The following ASH1L variants were observed in gnomAD, a reference collection of about 807,000 sequenced individuals.
ASH1L encodes the protein ASH1 like histone lysine methyltransferase.
Under a neutral mutation model 269.0 loss-of-function variants are expected in ASH1L, and 23 were observed. The ratio of observed to expected loss-of-function variants is 0.09; its 90% CI spans 0.06 to 0.12. The LOEUF is 0.12. Ranked by LOEUF, ASH1L falls within the 10% of genes least tolerant of loss-of-function variation. The pLI, the probability that ASH1L is intolerant of heterozygous loss-of-function variation, is 1.00. For synonymous variants in ASH1L, 1,187 were observed against 1,253.5 expected (o/e 0.95, Z 1.12); for missense variants, 2,912 against 3,567.8 (o/e 0.82, Z 4.68).
At chr1:155,366,319 G>C (rs906021269) in intron 12 of ASH1L, among the ~76,000 whole-genome samples, 1 of 152,142 alleles carries the variant, frequency 6.6e-6, no homozygotes, top group Non-Finnish European at 1.5e-5. Context: ...GGAACCCTTA[G>C]GTCTGCGAAT....
At chr1:155,453,280 G>A (rs1313648237) in intron 4 of ASH1L, among the ~76,000 whole-genome samples, 9 of 152,234 alleles carry the variant, frequency 5.9e-5, no homozygotes, top group Middle Eastern at 3.4e-3. Context: ...ACTTGAACCC[G>A]GGAGGCAAAG....
rs1170030066 is a variant in ASH1L at position 155,521,163 on chromosome 1, T to G, written c.357A>C (p.Pro119=). The part of the protein sequence containing the change: ...RPAIKTTIKH[P]RKALKSGKMT... ...TCTTTCCACTTTTAAGTGCTTTCCT[T>G]GGGTGCTTAATAGTTGTTTTTATGG... Residue 119 remains proline, a synonymous_variant, in exon 2 of 28, where the codon CCA becomes CCC. Transcript: ENST00000392403. The G allele has an allele frequency of 6.2e-7, 1 of 1,612,776 alleles. No individual in the cohort carries two copies. The highest frequency in any genetic ancestry group is 1.7e-5 in the Admixed American group (1 of 59,708).
intron 2 of ASH1L, among the ~76,000 whole-genome samples, chr1:155,494,715 T>C (rs1007484858): frequency 5.9e-5 from 9 of 152,170 alleles, no homozygotes; most frequent in Non-Finnish European, 1.3e-4. Flanking sequence ...TTGAGACATG[T>C]TAAAATTGAA....
chr1:155,527,530 CCTTT>C (rs1202202390), intron 1 of ASH1L, among the ~76,000 whole-genome samples: 2 of 137,934 alleles, frequency 1.4e-5, no homozygotes, highest in Non-Finnish European at 3.1e-5. Context: ...TTACGGGATA[CCTTT>C]TTTTTTTTTT....
In ASH1L at chr1:155,337,612, A is replaced by AG; in HGVS notation, c.*47_*48insC. 1 of 1,527,840 alleles carries AG rather than the reference A, an allele frequency of 6.5e-7. No homozygotes were observed. Among genetic ancestry groups the AG allele is most frequent in the Non-Finnish European group, 9.1e-7 (1 of 1,102,306 alleles). The allele number at this position is 1,527,840 out of a possible 1,614,324, so 94.6% of individuals were successfully genotyped here. On this transcript the variant is annotated 3_prime_UTR_variant, in exon 28 of 28. Coordinates refer to ENST00000392403, the MANE Select transcript of ASH1L (RefSeq NM_018489.3). Reference sequence around the variant, plus strand: ...ACCCAGAGAGCAGGAGGCAGGACTGATTAGCTCCACTGGATCCCAGATGCT... The same window carrying AG: ...ACCCAGAGAGCAGGAGGCAGGACTGAGTTAGCTCCACTGGATCCCAGATGCT...
At chr1:155,412,892 GTTTT>G (rs60312610) in intron 6 of ASH1L, among the ~76,000 whole-genome samples, 6 of 139,982 alleles carry the variant, frequency 4.3e-5, no homozygotes, top group Non-Finnish European at 9.5e-5. Flanking sequence ...TCTTCTGTGT[GTTTT>G]TTTTTTTTTT....
At chr1:155,349,877 C>T (rs12131079) in intron 17 of ASH1L, among the ~76,000 whole-genome samples, 78,313 of 144,646 alleles carry the variant, frequency 0.54, 23,934 homozygotes, top group Non-Finnish European at 0.69. Flanking sequence ...ACCACCACGC[C>T]AAGCTACTTT....
chr1:155,477,039 G>A (rs531501821), intron 3 of ASH1L, among the ~76,000 whole-genome samples: 21 of 152,102 alleles, frequency 1.4e-4, no homozygotes, highest in Non-Finnish European at 2.9e-4. Context: ...CACTAAAAAA[G>A]ATGCACAAAC....
At chr1:155,351,045 G>A (rs987343264) in intron 17 of ASH1L, among the ~76,000 whole-genome samples, 2 of 149,370 alleles carry the variant, frequency 1.3e-5, no homozygotes, top group Non-Finnish European at 3.0e-5. Context: ...AGACCATCCT[G>A]GCCAACATGG....
intron 1 of ASH1L, among the ~76,000 whole-genome samples, chr1:155,536,187 G>A (rs893351687): frequency 1.3e-5 from 2 of 152,130 alleles, no homozygotes; most frequent in Admixed American, 6.5e-5. Flanking sequence ...AAGGTCTTGA[G>A]GTGGAAGTAT....
Position 155,538,435 on chromosome 1 carries a change from G to A in ASH1L, c.-99-16817C>T, listed in dbSNP as rs566840683. 7.9e-5 allele frequency among the ~76,000 whole-genome samples: 12 copies of A among 151,810 alleles called. No individual in the cohort carries two copies. The South Asian group carries it at 2.3e-3, about 29-fold the overall frequency. ...TGCAATGGCGCAATCTCGGCTCACT[G>A]CAACCTCTGCCTTCTGGGTTCAAGC... On this transcript the variant is annotated intron_variant, in intron 1 of 27. Coordinates refer to ENST00000392403, the MANE Select transcript of ASH1L (RefSeq NM_018489.3).
At chr1:155,484,063 A>C (rs889216301) in intron 2 of ASH1L, among the ~76,000 whole-genome samples, 3 of 152,204 alleles carry the variant, frequency 2.0e-5, no homozygotes, top group Admixed American at 2.0e-4. Context: ...ATAGTGACTT[A>C]TGGGAAAGTA....
intron 1 of ASH1L, among the ~76,000 whole-genome samples, chr1:155,535,521 C>T (rs1361120497): frequency 6.6e-6 from 1 of 151,896 alleles, no homozygotes; most frequent in Non-Finnish European, 1.5e-5. Flanking sequence ...TGGTTCACGC[C>T]TGTAATCCCA....
At chr1:155,402,366 A>T (rs376336182) in intron 6 of ASH1L, among the ~76,000 whole-genome samples, 2 of 152,288 alleles carry the variant, frequency 1.3e-5, no homozygotes, top group East Asian at 3.9e-4. Flanking sequence ...TTACTGCACA[A>T]CTTAAAATCC....
chr1:155,499,058 T>G (rs530140681), intron 2 of ASH1L, among the ~76,000 whole-genome samples: 29 of 152,258 alleles, frequency 1.9e-4, no homozygotes, highest in African/African-American at 7.0e-4. Flanking sequence ...ACAAAACCAT[T>G]AGATGCTGAA....
At position 155,401,493 on chromosome 1, in the gene ASH1L, A is replaced by G. The variant is rs1241353000; in HGVS notation, c.6009-5940T>C. On this transcript the variant is annotated intron_variant, in intron 6 of 27. Coordinates refer to ENST00000392403, the MANE Select transcript of ASH1L (RefSeq NM_018489.3). ...ACTCCATCTCAAAAAAAAAAAAAAAAAAGATTGGTAGGGCACGGTGGCTCA... is the reference window on the plus strand; with the variant it reads ...ACTCCATCTCAAAAAAAAAAAAAAAGAAGATTGGTAGGGCACGGTGGCTCA... Among the ~76,000 whole-genome samples, 3 of 149,420 alleles carry G rather than the reference A, an allele frequency of 2.0e-5. No individual in the cohort carries two copies. In the East Asian group the frequency reaches 6.0e-4, roughly 30 times the overall value.
At chr1:155,344,326 T>G in intron 21 of ASH1L, 53 bp from the exon 22 acceptor site, 1 of 1,310,622 alleles carries the variant, frequency 7.6e-7, no homozygotes, top group Non-Finnish European at 1.1e-6. Flanking sequence ...ACATTCAGCC[T>G]ACTTATTTCT....
intron 7 of ASH1L, among the ~76,000 whole-genome samples, chr1:155,387,165 G>T (rs1428348894): frequency 2.0e-5 from 3 of 152,076 alleles, no homozygotes; most frequent in African/African-American, 7.2e-5. Flanking sequence ...TTAGAGATGG[G>T]ATTTTGCCAT....
At chr1:155,549,171 T>A (rs543479007) in intron 1 of ASH1L, among the ~76,000 whole-genome samples, 2 of 152,240 alleles carry the variant, frequency 1.3e-5, no homozygotes, top group Non-Finnish European at 2.9e-5. Context: ...AGCATGACTC[T>A]CTCTCTACAA....
Sources: allele counts gnomAD v4.1 joint callset (sites outside exome capture counted in the v4.1 genomes callset), GRCh38; gene constraint gnomAD v4.1.1; transcripts MANE v1.5; gene names NCBI Gene and HGNC (gene_info 2026-07-23, HGNC 2026-07-21).